SENP2: variants seen among roughly 807,000 people sequenced by gnomAD.
SENP2 encodes the protein sentrin-specific protease 2.
SENP2 carries 16 observed loss-of-function variants against 86.3 expected under a neutral mutation model. The observed-to-expected ratio is 0.19, with a 90% CI of 0.13 to 0.28. The LOEUF (loss-of-function observed/expected upper bound fraction) is 0.28, where lower values mean the gene tolerates loss of function less well. Among genes scored for constraint, SENP2 ranks in the 10% least tolerant of loss-of-function variants. The probability of loss-of-function intolerance (pLI) is 1.00; values close to 1 mark genes in which losing one functional copy is unlikely to be tolerated. For missense variants in SENP2, 552 were observed against 703.0 expected, an observed-to-expected ratio of 0.79 and a Z score of 2.43; for synonymous variants, 222 against 238.7, an observed-to-expected ratio of 0.93 and a Z score of 0.64.
Position 185,626,300 on chromosome 3 carries a change from G to C in SENP2, c.1614G>C (p.Glu538Asp). The change falls in exon 16 of 17, where the codon GAG becomes GAC. Residue 538 changes from glutamate (E) to aspartate (D), a missense_variant and splice_region_variant. Glu to Asp is a conservative substitution (Grantham distance 45). This residue lies in a region of SENP2 where 169 missense variants were observed against 275.7 expected (regional missense o/e 0.61). Transcript: ENST00000296257. ...EWTHHSMKPH[E>D]IPQQLNGSDC... is the part of the protein sequence containing the mutation. ...TTCTTTTTTCTTTGTAATTTTAGGA[G>C]ATTCCTCAACAGCTGAATGGGAGTG... is the stretch of plus-strand genomic sequence containing the variant. The C allele has an allele frequency of 6.2e-7, 1 of 1,600,246 alleles. No homozygotes were observed. Among genetic ancestry groups the C allele is most frequent in the Non-Finnish European group, 8.5e-7 (1 of 1,170,562 alleles).
In SENP2 at chr3:185,590,173, C is replaced by T; in HGVS notation, c.157+4C>T. On this transcript the variant is annotated splice_donor_region_variant and intron_variant, in intron 2 of 16. Transcript: ENST00000296257. ...CCAGCCAAAAGACCAAGATTAGGTA[C>T]TGAATATAAATTTTAAAAATTTTTA... The T allele has an allele frequency of 2.7e-6, 4 of 1,506,268 alleles. No homozygotes were observed. Among genetic ancestry groups the T allele is most frequent in the Non-Finnish European group, 3.6e-6 (4 of 1,113,470 alleles). The allele number at this position is 1,506,268 out of a possible 1,614,324, so 93.3% of individuals were successfully genotyped here. A position where few individuals can be genotyped will look rare whatever the true frequency, so the allele number is the denominator to read the frequency against.
chr3:185,605,007 G>C (rs1360736645), intron 5 of SENP2, among the ~76,000 whole-genome samples: 2 of 150,904 alleles, frequency 1.3e-5, no homozygotes, highest in Admixed American at 6.6e-5. Flanking sequence ...ACCCGCCTCA[G>C]CCTCCCAAAG....
At chr3:185,623,447 T>C (rs1711986622) in intron 14 of SENP2, among the ~76,000 whole-genome samples, 2 of 152,330 alleles carry the variant, frequency 1.3e-5, no homozygotes, top group African/African-American at 4.8e-5. Flanking sequence ...CCTATGTTAT[T>C]TTTTGTATCT....
intron 5 of SENP2, among the ~76,000 whole-genome samples, chr3:185,603,283 T>G (rs1722407288): frequency 6.6e-6 from 1 of 152,152 alleles, no homozygotes; most frequent in African/African-American, 2.4e-5. Context: ...AACCAAAAGA[T>G]CAAAGTGAAG....
intron 2 of SENP2, 42 bp downstream of exon 2, chr3:185,590,211 G>C: frequency 9.2e-7 from 1 of 1,082,094 alleles, no homozygotes; most frequent in Non-Finnish European, 1.3e-6. Flanking sequence ...TTTTAAATAG[G>C]AAAAATATAT....
intron 2 of SENP2, among the ~76,000 whole-genome samples, chr3:185,591,467 T>C (rs1721995346): frequency 6.6e-6 from 1 of 151,356 alleles, no homozygotes; most frequent in Non-Finnish European, 1.5e-5. Flanking sequence ...TTCTCCTGCC[T>C]CAGCCTCCTG....
intron 2 of SENP2, among the ~76,000 whole-genome samples, chr3:185,590,624 C>G (rs1577715334): frequency 6.8e-6 from 1 of 146,588 alleles, no homozygotes; most frequent in Non-Finnish European, 1.5e-5. Context: ...TCCAGCACTT[C>G]AGAGGCTGAG....
intron 12 of SENP2, among the ~76,000 whole-genome samples, chr3:185,619,098 A>T (rs1378380278): frequency 1.3e-5 from 2 of 152,188 alleles, no homozygotes; most frequent in Non-Finnish European, 1.5e-5. Context: ...TGTTACTCAC[A>T]TGCCTTAAAA....
chr3:185,625,929 T>C (rs1295947487), intron 15 of SENP2, among the ~76,000 whole-genome samples: 1 of 152,236 alleles, frequency 6.6e-6, no homozygotes, highest in Admixed American at 6.5e-5. Flanking sequence ...TTTTCTCTTC[T>C]GAAAAGCATT....
At chr3:185,629,458 G>T (rs1456430935) in intron 16 of SENP2, among the ~76,000 whole-genome samples, 1 of 151,988 alleles carries the variant, frequency 6.6e-6, no homozygotes, top group Non-Finnish European at 1.5e-5. Context: ...CATACCTGTA[G>T]TCCCAGCTAC....
intron 10 of SENP2, 121 bp from the exon 11 acceptor site, chr3:185,614,443 G>T: frequency 1.0e-6 from 1 of 970,238 alleles, no homozygotes; most frequent in Non-Finnish European, 1.5e-6. Flanking sequence ...CTACTCACTT[G>T]GGGGATTTGC....
rs999004604 is a variant in SENP2, at chr3:185,630,487, G to C, written c.*643G>C. 1.3e-5 allele frequency: 2 copies of C among 153,612 alleles called. No individual in the cohort carries two copies. The highest frequency in any genetic ancestry group is 4.8e-5 in the African/African-American group (2 of 41,444). 9.5% of individuals were successfully genotyped at this position (153,612 alleles called of 1,614,324 possible). ...AATGCTGTGGGATAGGGCTCCTGTT[G>C]CCTTTCAGAGGAAGTCTGACACTAC... On this transcript the variant is annotated 3_prime_UTR_variant, in exon 17 of 17. Coordinates refer to ENST00000296257, the MANE Select transcript of SENP2 (RefSeq NM_021627.3).
At chr3:185,598,083 G>A (rs574824087) in intron 2 of SENP2, among the ~76,000 whole-genome samples, 1 of 152,290 alleles carries the variant, frequency 6.6e-6, no homozygotes, top group East Asian at 1.9e-4. Flanking sequence ...CACAATCACA[G>A]CTCACTGTAG....
At chr3:185,617,239 AG>A (rs1711653400) in intron 11 of SENP2, among the ~76,000 whole-genome samples, 1 of 152,176 alleles carries the variant, frequency 6.6e-6, no homozygotes, top group Non-Finnish European at 1.5e-5. Context: ...AGGCCAAGGC[AG>A]GTATTGCTTG....
At chr3:185,625,503 G>A (rs994340464) in intron 15 of SENP2, among the ~76,000 whole-genome samples, 1 of 152,058 alleles carries the variant, frequency 6.6e-6, no homozygotes, top group Non-Finnish European at 1.5e-5. Context: ...AATAACTTGC[G>A]CTAATTGTGA....
At position 185,586,615 on chromosome 3, in the gene SENP2, C is replaced by G. The variant is rs537243606; in HGVS notation, c.101+101C>G. ...TTGATTCAGCCAGGCTCACCCGAAA[C>G]AGGTCGCCGGGATCCTAGTGACGTA... On this transcript the variant is annotated intron_variant, in intron 1 of 16. Coordinates refer to ENST00000296257, the MANE Select transcript of SENP2 (RefSeq NM_021627.3). The surrounding 1 kb of genome is among the most constrained non-coding windows in gnomAD (Gnocchi z 4.3). 5.0e-3 allele frequency: 5,695 copies of G among 1,141,948 alleles called. 16 individuals are homozygous for G. Among genetic ancestry groups the G allele is most frequent in the Non-Finnish European group, 6.6e-3 (5,163 of 782,954 alleles). 70.7% of individuals were successfully genotyped at this position (1,141,948 alleles called of 1,614,324 possible).
rs1721791764 is a variant in SENP2, at chr3:185,586,621, G to T, written c.101+107G>T. The T allele has an allele frequency of 1.9e-6, 2 of 1,049,760 alleles. No individual in the cohort carries two copies. The highest frequency in any genetic ancestry group is 3.1e-5 in the African/African-American group (2 of 63,744). The allele number at this position is 1,049,760 out of a possible 1,614,324, so 65.0% of individuals were successfully genotyped here. A position where few individuals can be genotyped will look rare whatever the true frequency, so the allele number is the denominator to read the frequency against. ...CAGCCAGGCTCACCCGAAACAGGTC[G>T]CCGGGATCCTAGTGACGTAGTCGCT... is the stretch of plus-strand genomic sequence containing the variant. On this transcript the variant is annotated intron_variant, in intron 1 of 16. Transcript: ENST00000296257. This position sits in a 1 kb window ranked among gnomAD's most constrained non-coding sequence, Gnocchi z 4.3.
chr3:185,597,232 A>G (rs1448649854), intron 2 of SENP2, among the ~76,000 whole-genome samples: 5 of 152,044 alleles, frequency 3.3e-5, no homozygotes, highest in Non-Finnish European at 5.9e-5. Flanking sequence ...GTGTGTGTGA[A>G]TCAGTATGGA....
chr3:185,619,613 A>T (rs1435815065), intron 13 of SENP2, 111 bp downstream of exon 13: 1 of 718,528 alleles, frequency 1.4e-6, no homozygotes, highest in Non-Finnish European at 2.2e-6. Flanking sequence ...ATATATTATA[A>T]GCATACTCTG....
Sources: gnomAD v4.1 joint callset for allele counts (sites outside exome capture counted in the v4.1 genomes callset) on GRCh38, gnomAD v4.1.1 for gene constraint, gnomAD v4.1.1 regional missense constraint, Gnocchi (gnomAD v3.1) non-coding constraint, MANE v1.5 for transcripts, NCBI Gene and HGNC (gene_info 2026-07-23, HGNC 2026-07-21) for gene names.